The following LIG1 variants were observed in gnomAD, a reference collection of about 807,000 sequenced individuals.
The protein encoded by LIG1 is ligase I, DNA, ATP-dependent.
A neutral mutation model predicts 115.7 loss-of-function variants in LIG1; 70 were observed. That is an observed-to-expected ratio of 0.60 (90% CI 0.50 to 0.74). The LOEUF is 0.74. Among genes scored for constraint, LIG1 ranks in the 30% least tolerant of loss-of-function variants. LIG1 has a pLI of 0.00. For synonymous variants in LIG1, 487 were observed against 495.3 expected (o/e 0.98, Z 0.22); for missense variants, 1,115 against 1,225.6 (o/e 0.91, Z 1.35).
intron 15 of LIG1, 102 bp from the exon 16 acceptor site, chr19:48,135,881 G>A (rs933473997): frequency 3.6e-5 from 44 of 1,206,366 alleles, no homozygotes; most frequent in African/African-American, 9.0e-5. Context: ...CAGATGCCGC[G>A]GCCCAAGACG....
In LIG1 at chr19:48,133,113, A is replaced by G. The variant is rs376348228; in HGVS notation, c.1610-16T>C. 72 of 1,523,272 alleles carry G rather than the reference A, an allele frequency of 4.7e-5. No homozygotes were observed. In the African/African-American group the frequency reaches 8.2e-4, roughly 17 times the overall value. 94.4% of individuals were successfully genotyped at this position (1,523,272 alleles called of 1,614,324 possible). A position where few individuals can be genotyped will look rare whatever the true frequency, so the allele number is the denominator to read the frequency against. On this transcript the variant is annotated splice_polypyrimidine_tract_variant and intron_variant, in intron 17 of 27. Coordinates refer to ENST00000263274, the MANE Select transcript of LIG1 (RefSeq NM_000234.3). ...AGGGGAATCCCTGGGAAAGGAGGAGAGTGAGTTAGAGGAGAGGGAAGGCAA... is the reference window on the plus strand; with the variant it reads ...AGGGGAATCCCTGGGAAAGGAGGAGGGTGAGTTAGAGGAGAGGGAAGGCAA...
intron 5 of LIG1, among the ~76,000 whole-genome samples, chr19:48,156,749 T>G (rs1401497885): frequency 1.3e-5 from 2 of 151,960 alleles, no homozygotes; most frequent in East Asian, 3.9e-4. Context: ...GAGACCAGCC[T>G]GGCCAACATA....
chr19:48,132,619 G>A (rs1391868868), intron 18 of LIG1, among the ~76,000 whole-genome samples: 6 of 151,586 alleles, frequency 4.0e-5, no homozygotes, highest in African/African-American at 7.3e-5. Flanking sequence ...GTGAAACCTC[G>A]TCTCTACTAA....
intron 20 of LIG1, chr19:48,127,656 T>A: frequency 1.6e-6 from 1 of 611,508 alleles, no homozygotes; most frequent in Non-Finnish European, 2.9e-6. Context: ...GGTTGTGGGG[T>A]TTTCCAGAAC....
chr19:48,154,319 TC>T, intron 5 of LIG1: 1 of 339,220 alleles, frequency 2.9e-6, no homozygotes, highest in Non-Finnish European at 5.8e-6. Flanking sequence ...CTCCAAGTGT[TC>T]CAGACAGCTT....
intron 20 of LIG1, 74 bp downstream of exon 20, chr19:48,127,836 G>T: frequency 8.0e-7 from 1 of 1,253,194 alleles, no homozygotes; most frequent in East Asian, 2.3e-5. Context: ...GCACTGGGCA[G>T]GACCCACAGC....
At chr19:48,123,649 GCT>G (rs879328544) in intron 21 of LIG1, 2 of 364,092 alleles carry the variant, frequency 5.5e-6, no homozygotes, top group Non-Finnish European at 1.1e-5. Flanking sequence ...ACGGAATCTC[GCT>G]CTGTCGCCCA....
chr19:48,133,246 G>C, intron 17 of LIG1, 149 bp from the exon 18 acceptor site: 1 of 653,782 alleles, frequency 1.5e-6, no homozygotes, highest in South Asian at 1.7e-5. Context: ...AGGGGACCTA[G>C]CCTCCCACTG....
chr19:48,169,959 C>A, intron 1 of LIG1: 1 of 225,076 alleles, frequency 4.4e-6, no homozygotes, highest in Non-Finnish European at 9.0e-6. Flanking sequence ...CTCCCCTTTC[C>A]AGGTGAACTC....
chr19:48,132,008 G>A (rs1199516867), intron 18 of LIG1, among the ~76,000 whole-genome samples: 1 of 149,054 alleles, frequency 6.7e-6, no homozygotes, highest in African/African-American at 2.5e-5. Context: ...GCACGATCTT[G>A]GCTCACTGCA....
chr19:48,127,468 G>A, intron 20 of LIG1, 120 bp from the exon 21 acceptor site: 1 of 911,568 alleles, frequency 1.1e-6, no homozygotes, highest in Non-Finnish European at 1.8e-6. Flanking sequence ...CTGCCCATCT[G>A]TGAGGGCGGC....
chr19:48,136,203 G>C (rs915097685), intron 14 of LIG1, 78 bp from the exon 15 acceptor site: 3 of 1,092,534 alleles, frequency 2.7e-6, no homozygotes, highest in Middle Eastern at 1.9e-4. Flanking sequence ...TGATCTCCTC[G>C]ACCTTGATGT....
intron 11 of LIG1, among the ~76,000 whole-genome samples, chr19:48,140,982 C>T (rs997951038): frequency 1.3e-5 from 2 of 152,234 alleles, no homozygotes; most frequent in African/African-American, 4.8e-5. Flanking sequence ...GATAAATCGG[C>T]TCTGTCTAGG....
chr19:48,150,121 G>A lies in LIG1; in HGVS notation c.664C>T (p.Arg222Cys), dbSNP rs750475498. ...QEEEEQTKPP[R>C]RAPKTLSSFF... ...CTGCTGAGCGTCTTGGGAGCTCTGC[G>A]GGGAGGCTTGGTCTGCTCTTCCTCC... Residue 222 changes from arginine to cysteine, a missense_variant, in exon 8 of 28, where the codon CGC becomes TGC. Arg to Cys is a radical substitution (Grantham distance 180, BLOSUM62 -3). Transcript: ENST00000263274. 17 of 1,614,060 alleles carry A rather than the reference G, an allele frequency of 1.1e-5. No individual in the cohort carries two copies. The South Asian group carries it at 1.2e-4, about 11-fold the overall frequency.
chr19:48,123,299 A>G lies in LIG1; in HGVS notation c.2024T>C (p.Leu675Pro). The change falls in exon 22 of 28, where the codon CTT becomes CCT. Residue 675 changes from leucine to proline, a missense_variant. By Grantham distance (98) the Leu-to-Pro change is moderately conservative. Coordinates refer to ENST00000263274, the MANE Select transcript of LIG1 (RefSeq NM_000234.3). ...CCGGAGCAGCTGCCGGCGCCGGGAA[A>G]GGGGCTCACGTACCAGGGACTGCAG... Reference protein sequence around the residue: ...LNGESLVREPLSRRRQLLREN... With the variant: ...LNGESLVREPPSRRRQLLREN... The G allele has an allele frequency of 6.2e-7, 1 of 1,613,736 alleles. No individual in the cohort carries two copies. Among genetic ancestry groups the G allele is most frequent in the Non-Finnish European group, 8.5e-7 (1 of 1,179,964 alleles).
At chr19:48,158,199 G>T (rs1413449187) in intron 4 of LIG1, among the ~76,000 whole-genome samples, 1 of 152,156 alleles carries the variant, frequency 6.6e-6, no homozygotes, top group East Asian at 1.9e-4. Flanking sequence ...AAATTAACTG[G>T]TCTGAAGTAT....
chr19:48,124,289 G>A (rs1424498828), intron 21 of LIG1, among the ~76,000 whole-genome samples: 2 of 152,202 alleles, frequency 1.3e-5, no homozygotes, highest in Non-Finnish European at 2.9e-5. Flanking sequence ...AGCCACAAGG[G>A]TTAAGCAGGT....
chr19:48,151,213 G>A lies in LIG1; in HGVS notation c.574+19C>T. ...AATCAGGAGGTGGGGCAGGGCGGAG[G>A]AGAGGACCAGAAACTCACTGGAGGT... On this transcript the variant is annotated intron_variant, in intron 7 of 27. Transcript: ENST00000263274. The A allele has an allele frequency of 1.3e-6, 2 of 1,520,972 alleles. No homozygotes were observed. Among genetic ancestry groups the A allele is most frequent in the African/African-American group, 1.4e-5 (1 of 73,022 alleles). 94.2% of individuals were successfully genotyped at this position (1,520,972 alleles called of 1,614,324 possible).
At chr19:48,163,435 GGTC>G (rs1372753331) in intron 2 of LIG1, among the ~76,000 whole-genome samples, 1 of 151,364 alleles carries the variant, frequency 6.6e-6, no homozygotes, top group Non-Finnish European at 1.5e-5. Context: ...TGGTCAGGCT[GGTC>G]TCGAACTCCT....
Sources: allele counts gnomAD v4.1 joint callset (sites outside exome capture counted in the v4.1 genomes callset), GRCh38; gene constraint gnomAD v4.1.1; transcripts MANE v1.5; gene names NCBI Gene and HGNC (gene_info 2026-07-23, HGNC 2026-07-21).